FBXW11: variants seen among roughly 807,000 people sequenced by gnomAD.
FBXW11 encodes the protein F-box/WD repeat-containing protein 11.
FBXW11 carries 19 observed loss-of-function variants against 77.6 expected under a neutral mutation model. That is an observed-to-expected ratio of 0.24 (90% CI 0.17 to 0.36). FBXW11 has a LOEUF of 0.36. FBXW11 is among the 10% of genes least tolerant of loss of function. The pLI is 1.00. For missense variants in FBXW11, 334 were observed against 704.2 expected, an observed-to-expected ratio of 0.47 and a Z score of 5.95; for synonymous variants, 235 against 249.4, an observed-to-expected ratio of 0.94 and a Z score of 0.54.
At chr5:171,981,096 T>C (rs1765121089) in intron 1 of FBXW11, among the ~76,000 whole-genome samples, 2 of 151,884 alleles carry the variant, frequency 1.3e-5, no homozygotes, top group African/African-American at 2.4e-5. Context: ...CAATGCCCAA[T>C]GATTAATCAT....
chr5:171,900,293 G>A (rs746215126), intron 4 of FBXW11, among the ~76,000 whole-genome samples, 193 bp from the exon 5 acceptor site: 3 of 152,124 alleles, frequency 2.0e-5, no homozygotes, highest in African/African-American at 4.8e-5. Context: ...GATTTTTTAC[G>A]ATAAAACAAT....
chr5:171,972,316 AAAAT>A (rs35891894), intron 1 of FBXW11, among the ~76,000 whole-genome samples: 95,784 of 134,452 alleles, frequency 0.71, 36,547 homozygotes, highest in East Asian at 0.89. Flanking sequence ...CGTCTCTACA[AAAAT>A]AAATAAATAA....
chr5:171,982,767 G>T (rs775689979), intron 1 of FBXW11, among the ~76,000 whole-genome samples: 5 of 152,016 alleles, frequency 3.3e-5, no homozygotes, highest in Non-Finnish European at 5.9e-5. Flanking sequence ...GGTAAGTTAG[G>T]CCTCAGGAAA....
intron 1 of FBXW11, among the ~76,000 whole-genome samples, chr5:171,995,752 CAA>C (rs542185354): frequency 7.3e-6 from 1 of 137,798 alleles, no homozygotes. Context: ...GACTCCGCCT[CAA>C]AAAAAAAAAA....
chr5:171,916,731 G>C (rs1358532276), intron 2 of FBXW11, among the ~76,000 whole-genome samples: 2 of 152,112 alleles, frequency 1.3e-5, no homozygotes, highest in Non-Finnish European at 2.9e-5. Flanking sequence ...CACAATGTCT[G>C]GGTTCTAAGA....
At chr5:171,883,301 C>A (rs1758649395) in intron 7 of FBXW11, among the ~76,000 whole-genome samples, 1 of 152,004 alleles carries the variant, frequency 6.6e-6, no homozygotes, top group South Asian at 2.1e-4. Context: ...GGGTAGATAC[C>A]CAGTAGTGGG....
At chr5:171,994,474 T>A (rs1312655125) in intron 1 of FBXW11, among the ~76,000 whole-genome samples, 1 of 152,176 alleles carries the variant, frequency 6.6e-6, no homozygotes, top group East Asian at 1.9e-4. Context: ...TTGAAACTTT[T>A]CAGATTTCAG....
rs1757226188 is a variant in FBXW11, at chr5:171,863,884, A to C, written c.*243T>G. 6.6e-6 allele frequency: 1 copy of C among 152,374 alleles called. No individual in the cohort carries two copies. Among genetic ancestry groups the C allele is most frequent in the Non-Finnish European group, 1.5e-5 (1 of 68,048 alleles). 9.4% of individuals were successfully genotyped at this position (152,374 alleles called of 1,614,324 possible). ...ATTAGATTTTTTCACTGATGAGGGAAGGAAACGGGCTTCTGTTCTACTTGA... is the reference window on the plus strand; with the variant it reads ...ATTAGATTTTTTCACTGATGAGGGACGGAAACGGGCTTCTGTTCTACTTGA... On this transcript the variant is annotated 3_prime_UTR_variant, in exon 14 of 14. Coordinates refer to ENST00000517395, the MANE Select transcript of FBXW11 (RefSeq NM_001378974.1).
chr5:171,977,777 G>A (rs1764921196), intron 1 of FBXW11: 1 of 339,614 alleles, frequency 2.9e-6, no homozygotes, highest in South Asian at 2.2e-5. Context: ...CAGATCTCGT[G>A]AGACTTATTC....
intron 1 of FBXW11, among the ~76,000 whole-genome samples, chr5:171,976,278 A>G (rs1024174491): frequency 1.3e-5 from 2 of 152,230 alleles, no homozygotes; most frequent in East Asian, 3.8e-4. Context: ...TTTAATTTTC[A>G]GGATCAAGTC....
intron 1 of FBXW11, among the ~76,000 whole-genome samples, chr5:171,969,469 A>G (rs1015285689): frequency 6.6e-6 from 1 of 152,216 alleles, no homozygotes; most frequent in African/African-American, 2.4e-5. Flanking sequence ...TAAACTGCTT[A>G]GTCATTTAAA....
rs2113750140 is a variant in FBXW11, at chr5:171,869,659, A to G, written c.1530+70T>C. ...ACACAAGCGTTCCTGTGATACACCTAGACAGGACTATCTGCAAATGGTCAT... is the reference window on the plus strand; with the variant it reads ...ACACAAGCGTTCCTGTGATACACCTGGACAGGACTATCTGCAAATGGTCAT... On this transcript the variant is annotated intron_variant, in intron 12 of 13. Coordinates refer to ENST00000517395, the MANE Select transcript of FBXW11 (RefSeq NM_001378974.1). The surrounding 1 kb of genome is among the most constrained non-coding windows in gnomAD (Gnocchi z 4.1). The G allele has an allele frequency of 8.3e-7, 1 of 1,202,186 alleles. No individual in the cohort carries two copies. Among genetic ancestry groups the G allele is most frequent in the Non-Finnish European group, 1.2e-6 (1 of 842,498 alleles). The allele number at this position is 1,202,186 out of a possible 1,614,324, so 74.5% of individuals were successfully genotyped here. A position where few individuals can be genotyped will look rare whatever the true frequency, so the allele number is the denominator to read the frequency against.
At chr5:171,875,250 TAA>T (rs55689036) in intron 9 of FBXW11, among the ~76,000 whole-genome samples, 3 of 148,190 alleles carry the variant, frequency 2.0e-5, no homozygotes, top group African/African-American at 7.9e-5. Flanking sequence ...TCTGTACTTT[TAA>T]AAAAAAAAAA....
intron 2 of FBXW11, among the ~76,000 whole-genome samples, chr5:171,931,161 T>C (rs771840054): frequency 2.6e-5 from 4 of 152,316 alleles, no homozygotes; most frequent in Admixed American, 6.5e-5. Flanking sequence ...TTTGTGGATA[T>C]TGAAATGACT....
intron 4 of FBXW11, among the ~76,000 whole-genome samples, chr5:171,900,636 G>A (rs1040000893): frequency 2.0e-5 from 3 of 152,134 alleles, no homozygotes; most frequent in African/African-American, 4.8e-5. Context: ...GCAAAACACC[G>A]ACTCATCTTG....
chr5:171,865,138 C>T (rs1040463359), intron 13 of FBXW11, among the ~76,000 whole-genome samples: 1 of 152,008 alleles, frequency 6.6e-6, no homozygotes, highest in African/African-American at 2.4e-5. Flanking sequence ...TTTAAGGGAA[C>T]CTGAATTATT....
At chr5:171,868,581 A>G (rs1757562433) in intron 13 of FBXW11, 29 bp downstream of exon 13, 3 of 1,542,810 alleles carry the variant, frequency 1.9e-6, no homozygotes, top group Admixed American at 2.0e-5. Context: ...TCAATCAGCA[A>G]AATTGGAAGG....
chr5:171,911,936 T>C (rs1456655368), intron 3 of FBXW11, among the ~76,000 whole-genome samples: 1 of 152,222 alleles, frequency 6.6e-6, no homozygotes, highest in African/African-American at 2.4e-5. Flanking sequence ...TGACCACTAT[T>C]CTGACAGCCT....
At chr5:171,906,063 T>G (rs1173578277) in intron 4 of FBXW11, among the ~76,000 whole-genome samples, 1 of 152,224 alleles carries the variant, frequency 6.6e-6, no homozygotes, top group Non-Finnish European at 1.5e-5. Context: ...CAAAGCTCAA[T>G]ATGTAAATAA....
Sources: gnomAD v4.1 joint callset for allele counts (sites outside exome capture counted in the v4.1 genomes callset) on GRCh38, gnomAD v4.1.1 for gene constraint, Gnocchi (gnomAD v3.1) non-coding constraint, MANE v1.5 for transcripts, NCBI Gene and HGNC (gene_info 2026-07-23, HGNC 2026-07-21) for gene names.